The following PATJ variants were observed in gnomAD, a reference collection of about 807,000 sequenced individuals.
The protein encoded by PATJ is inaD-like protein.
Under a neutral mutation model 224.9 loss-of-function variants are expected in PATJ, and 190 were observed. The observed-to-expected ratio is 0.84, with a 90% CI of 0.75 to 0.95. PATJ has a LOEUF of 0.95. PATJ is among the 40% of genes least tolerant of loss of function. The pLI is 0.00. For synonymous variants in PATJ, 769 were observed against 820.3 expected (o/e 0.94, Z 1.07); for missense variants, 2,121 against 2,270.3 (o/e 0.93, Z 1.34).
intron 29 of PATJ, among the ~76,000 whole-genome samples, chr1:62,030,895 A>G (rs1459402845): frequency 6.6e-6 from 1 of 152,216 alleles, no homozygotes; most frequent in Non-Finnish European, 1.5e-5. Context: ...TGAATATACA[A>G]AAATTTGATG....
rs189186191 is a variant in PATJ, at chr1:62,129,893, T to G, written c.5271+948T>G. 1.1e-4 allele frequency among the ~76,000 whole-genome samples: 16 copies of G among 151,966 alleles called. No homozygotes were observed. The East Asian group carries it at 2.5e-3, about 24-fold the overall frequency. ...GAAGGAGGTTGCAGTGAGCCAAGAT[T>G]GCTCCACTGTACTCCAGCCTGGGTG... On this transcript the variant is annotated intron_variant, in intron 41 of 43. Coordinates refer to ENST00000642238, the MANE Select transcript of PATJ (RefSeq NM_001350145.3).
intron 14 of PATJ, among the ~76,000 whole-genome samples, chr1:61,811,707 T>G (rs1459140835): frequency 2.7e-5 from 4 of 147,580 alleles, no homozygotes; most frequent in Non-Finnish European, 5.9e-5. Flanking sequence ...TTATCTAGTA[T>G]GGAATTTTCA....
intron 22 of PATJ, among the ~76,000 whole-genome samples, chr1:61,891,548 T>C (rs752124074): frequency 2.0e-5 from 3 of 152,184 alleles, no homozygotes; most frequent in Non-Finnish European, 4.4e-5. Flanking sequence ...CTTACAGTGC[T>C]GTTGCAGCGG....
chr1:62,126,408 A>G (rs899045539), intron 39 of PATJ, among the ~76,000 whole-genome samples: 4 of 152,326 alleles, frequency 2.6e-5, no homozygotes, highest in African/African-American at 9.6e-5. Context: ...TTCAGAGGCC[A>G]CAGGTAGTTG....
intron 27 of PATJ, among the ~76,000 whole-genome samples, chr1:61,975,933 C>A (rs925651574): frequency 1.3e-5 from 2 of 152,064 alleles, no homozygotes; most frequent in Non-Finnish European, 2.9e-5. Flanking sequence ...CTAAACAGTT[C>A]AAAAGCCTGT....
chr1:62,043,338 G>T (rs1166060923), intron 30 of PATJ, among the ~76,000 whole-genome samples: 1 of 152,178 alleles, frequency 6.6e-6, no homozygotes, highest in African/African-American at 2.4e-5. Flanking sequence ...GTGAACATAA[G>T]CTTGGATGTC....
At position 61,936,860 on chromosome 1, in the gene PATJ, G is replaced by A. The variant is rs568573670; in HGVS notation, c.3670+9031G>A. On this transcript the variant is annotated intron_variant, in intron 27 of 43. Coordinates refer to ENST00000642238, the MANE Select transcript of PATJ (RefSeq NM_001350145.3). ...AAAGTGATGGGATTACAGGTAGCATGAGACCCCACGCCTGGCCGAATGATA... is the reference window on the plus strand; with the variant it reads ...AAAGTGATGGGATTACAGGTAGCATAAGACCCCACGCCTGGCCGAATGATA... Among the ~76,000 whole-genome samples the A allele has an allele frequency of 1.9e-3, 291 of 152,182 alleles. 1 individual carries two copies. The highest frequency in any genetic ancestry group is 3.7e-3 in the Non-Finnish European group (249 of 68,010).
chr1:61,775,455 G>A, intron 7 of PATJ, 121 bp downstream of exon 7: 1 of 790,270 alleles, frequency 1.3e-6, no homozygotes. Flanking sequence ...TTTAAGTATA[G>A]CTTAAAAATG....
intron 7 of PATJ, among the ~76,000 whole-genome samples, chr1:61,776,756 C>T (rs536421268): frequency 1.5e-3 from 222 of 149,398 alleles, no homozygotes; most frequent in African/African-American, 5.3e-3. Flanking sequence ...GATGGAGTCT[C>T]GCTGTGTTGC....
chr1:61,840,822 A>C (rs972920307), intron 17 of PATJ, among the ~76,000 whole-genome samples: 1 of 152,114 alleles, frequency 6.6e-6, no homozygotes, highest in Non-Finnish European at 1.5e-5. Context: ...GTATCTTTTA[A>C]ATTTTGGTAC....
chr1:61,818,340 C>T lies in PATJ; in HGVS notation c.1684-4605C>T, dbSNP rs1161540853. Among the ~76,000 whole-genome samples, 9 of 152,174 alleles carry T rather than the reference C, an allele frequency of 5.9e-5. No homozygotes were observed. The South Asian group carries it at 6.2e-4, about 11-fold the overall frequency. On this transcript the variant is annotated intron_variant, in intron 14 of 43. Transcript: ENST00000642238. ...AGTTTAAATAGAACCCCTCACAAAACGTTGAATAAGCATCAAAAAGCATGA... is the reference window on the plus strand; with the variant it reads ...AGTTTAAATAGAACCCCTCACAAAATGTTGAATAAGCATCAAAAAGCATGA...
At chr1:61,998,014 T>A (rs1157303103) in intron 28 of PATJ, among the ~76,000 whole-genome samples, 5 of 115,524 alleles carry the variant, frequency 4.3e-5, no homozygotes, top group African/African-American at 1.4e-4. Flanking sequence ...TTATATATAT[T>A]AATTATATAT....
intron 17 of PATJ, among the ~76,000 whole-genome samples, chr1:61,834,123 C>A (rs953291067): frequency 6.6e-6 from 1 of 152,130 alleles, no homozygotes; most frequent in African/African-American, 2.4e-5. Context: ...CCATTTTAAG[C>A]ATACAGTTCA....
At chr1:61,987,444 GTT>G (rs1644825478) in intron 27 of PATJ, among the ~76,000 whole-genome samples, 1 of 151,982 alleles carries the variant, frequency 6.6e-6, no homozygotes. Flanking sequence ...AGAGAGGTGT[GTT>G]AAAATTGGTG....
At chr1:62,116,368 A>G (rs1410277247) in intron 35 of PATJ, among the ~76,000 whole-genome samples, 164 bp from the exon 36 acceptor site, 1 of 152,252 alleles carries the variant, frequency 6.6e-6, no homozygotes, top group Non-Finnish European at 1.5e-5. Flanking sequence ...AGGAAGCTCC[A>G]AGTGCTGATA....
intron 34 of PATJ, among the ~76,000 whole-genome samples, chr1:62,113,287 G>C (rs959923340): frequency 6.6e-6 from 1 of 152,070 alleles, no homozygotes; most frequent in Non-Finnish European, 1.5e-5. Flanking sequence ...TGGAAATACT[G>C]TTCCCTCATC....
At chr1:62,035,205 T>C (rs1236614513) in intron 29 of PATJ, among the ~76,000 whole-genome samples, 1 of 152,236 alleles carries the variant, frequency 6.6e-6, no homozygotes, top group Non-Finnish European at 1.5e-5. Flanking sequence ...AAGCCATCTC[T>C]TAACATAATA....
chr1:62,042,486 A>G (rs184897640), intron 30 of PATJ, among the ~76,000 whole-genome samples: 1 of 152,334 alleles, frequency 6.6e-6, no homozygotes, highest in Admixed American at 6.5e-5. Flanking sequence ...GCATATGGCT[A>G]AAAGAGACAG....
intron 26 of PATJ, among the ~76,000 whole-genome samples, chr1:61,916,934 C>T (rs1349475966): frequency 1.3e-5 from 2 of 152,132 alleles, no homozygotes; most frequent in Non-Finnish European, 2.9e-5. Flanking sequence ...AGTCAGTTTA[C>T]CAGTCTGGGT....
Sources: allele counts gnomAD v4.1 joint callset (sites outside exome capture counted in the v4.1 genomes callset), GRCh38; gene constraint gnomAD v4.1.1; transcripts MANE v1.5; gene names NCBI Gene and HGNC (gene_info 2026-07-23, HGNC 2026-07-21).